Variants in PRRC2C observed in about 807,000 individuals in gnomAD.
PRRC2C encodes the protein protein PRRC2C.
Under a neutral mutation model 317.2 loss-of-function variants are expected in PRRC2C, and 72 were observed. The ratio of observed to expected loss-of-function variants is 0.23; its 90% CI spans 0.19 to 0.28. PRRC2C has a LOEUF of 0.28. PRRC2C is among the 10% of genes least tolerant of loss of function. PRRC2C has a pLI of 1.00. For synonymous variants in PRRC2C, 1,296 were observed against 1,205.9 expected (o/e 1.07, Z -1.55); for missense variants, 3,074 against 3,459.7 (o/e 0.89, Z 2.80).
At chr1:171,572,159 A>T (rs1057318596) in intron 24 of PRRC2C, among the ~76,000 whole-genome samples, 3 of 152,050 alleles carry the variant, frequency 2.0e-5, no homozygotes, top group Non-Finnish European at 4.4e-5. Flanking sequence ...TTTAAAAAAA[A>T]ATTTTTTTTA....
intron 1 of PRRC2C, 168 bp from the exon 2 acceptor site, chr1:171,511,864 A>G (rs1002018150): frequency 7.9e-6 from 3 of 379,096 alleles, no homozygotes; most frequent in Non-Finnish European, 1.5e-5. Context: ...TCACAAGTGC[A>G]TGATAGCTTA....
chr1:171,501,306 T>C (rs1401597940), intron 1 of PRRC2C, among the ~76,000 whole-genome samples: 1 of 152,192 alleles, frequency 6.6e-6, no homozygotes, highest in Admixed American at 6.5e-5. Context: ...AATTTTTGTA[T>C]TTTTTGTAGA....
chr1:171,494,261 C>T (rs1403366596), intron 1 of PRRC2C, among the ~76,000 whole-genome samples: 2 of 152,284 alleles, frequency 1.3e-5, no homozygotes, highest in East Asian at 1.9e-4. Context: ...TATCCTACTC[C>T]GGAAACTTAA....
chr1:171,571,490 C>A, intron 24 of PRRC2C, 69 bp downstream of exon 24: 1 of 1,172,676 alleles, frequency 8.5e-7, no homozygotes, highest in Non-Finnish European at 1.3e-6. Context: ...TAACAATATT[C>A]GTGGGGTATT....
rs1340804442 is a variant in PRRC2C at position 171,512,190 on chromosome 1, G to A, written c.102G>A (p.Gln34=). 1 of 1,556,884 alleles carries A rather than the reference G, an allele frequency of 6.4e-7. No homozygotes were observed. Among genetic ancestry groups the A allele is most frequent in the South Asian group, 1.2e-5 (1 of 84,992 alleles). Residue 34 remains glutamine (Q), a synonymous_variant, in exon 2 of 35, where the codon CAG becomes CAA. Transcript: ENST00000647382. The stretch of plus-strand genomic sequence containing the variant: ...ACAAGGGGAAATCATTAGAAACACA[G>A]AAAACCACAGGTGAGTAAAATCAAG... The part of the protein sequence containing the change: ...NTYKGKSLET[Q]KTTVAARHGL...
intron 22 of PRRC2C, among the ~76,000 whole-genome samples, chr1:171,568,020 C>CTTT (rs1331454182): frequency 2.0e-5 from 3 of 152,120 alleles, no homozygotes; most frequent in Admixed American, 6.5e-5. Flanking sequence ...AACCCCATCT[C>CTTT]TACTAAAAAT....
At chr1:171,568,366 A>G (rs1409772554) in intron 23 of PRRC2C, 27 bp downstream of exon 23, 1 of 1,574,392 alleles carries the variant, frequency 6.4e-7, no homozygotes, top group African/African-American at 1.3e-5. Flanking sequence ...AGATGTGGCA[A>G]GTTTGGATTG....
At chr1:171,573,064 G>A (rs927048247) in intron 24 of PRRC2C, among the ~76,000 whole-genome samples, 19 of 152,128 alleles carry the variant, frequency 1.2e-4, no homozygotes, top group African/African-American at 4.3e-4. Context: ...CCATAGAATA[G>A]CATCATTTGG....
chr1:171,498,711 C>T (rs1271314522), intron 1 of PRRC2C, among the ~76,000 whole-genome samples: 1 of 152,192 alleles, frequency 6.6e-6, no homozygotes, highest in African/African-American at 2.4e-5. Flanking sequence ...TCCTACCACT[C>T]CCAACTCCCT....
chr1:171,550,136 C>A lies in PRRC2C; in HGVS notation c.5023C>A (p.Gln1675Lys). ...HPEVTVIEDP[Q>K]SNLNDDGFTE... is the part of the protein sequence containing the mutation. ...TGAAGTAACAGTAATTGAAGATCCC[C>A]AGTCAAATTTGAATGATGATGGTTT... Residue 1675 changes from glutamine (Q) to lysine (K), a missense_variant, in exon 18 of 35, where the codon CAG becomes AAG. By Grantham distance (53) the Gln-to-Lys change is moderately conservative. Transcript: ENST00000647382. 6.2e-7 allele frequency: 1 copy of A among 1,608,120 alleles called. No individual in the cohort carries two copies. The highest frequency in any genetic ancestry group is 8.5e-7 in the Non-Finnish European group (1 of 1,176,916).
At chr1:171,551,625 A>G (rs1384003833) in intron 18 of PRRC2C, among the ~76,000 whole-genome samples, 1 of 151,972 alleles carries the variant, frequency 6.6e-6, no homozygotes, top group African/African-American at 2.4e-5. Flanking sequence ...ATCCATCTTG[A>G]ATTAGTTTTT....
At chr1:171,536,601 T>C (rs1233789682) in intron 14 of PRRC2C, among the ~76,000 whole-genome samples, 1 of 151,910 alleles carries the variant, frequency 6.6e-6, no homozygotes, top group Admixed American at 6.5e-5. Context: ...ATTTTGTCCA[T>C]ATGTTATATA....
At chr1:171,536,628 C>T (rs984222327) in intron 14 of PRRC2C, among the ~76,000 whole-genome samples, 2 of 152,042 alleles carry the variant, frequency 1.3e-5, no homozygotes, top group Non-Finnish European at 2.9e-5. Flanking sequence ...TTTTCAAGTT[C>T]TTCTTCCATC....
chr1:171,536,415 C>T (rs1676839148), intron 14 of PRRC2C, 137 bp downstream of exon 14: 2 of 998,496 alleles, frequency 2.0e-6, no homozygotes, highest in South Asian at 1.7e-5. Flanking sequence ...TAACTTTCAG[C>T]ATCGAGTAAT....
Position 171,579,890 on chromosome 1 carries a change from C to T in PRRC2C, c.7335C>T (p.Ala2445=), listed in dbSNP as rs751254629. 90 of 1,597,704 alleles carry T rather than the reference C, an allele frequency of 5.6e-5. No individual in the cohort carries two copies. Among genetic ancestry groups the T allele is most frequent in the Non-Finnish European group, 7.2e-5 (85 of 1,173,776 alleles). ...IYAPLQGQHQ[A]QLSLGAGPAV... ...CACCACTGCAAGGGCAGCATCAAGC[C>T]CAACTGAGTTTGGGGGCTGGCCCTG... The change falls in exon 28 of 35, where the codon GCC becomes GCT. Residue 2445 remains alanine, a synonymous_variant. Transcript: ENST00000647382.
At chr1:171,530,010 A>G (rs993861634) in intron 11 of PRRC2C, among the ~76,000 whole-genome samples, 1 of 152,078 alleles carries the variant, frequency 6.6e-6, no homozygotes, top group Non-Finnish European at 1.5e-5. Context: ...TCTTTATAAC[A>G]TTTCTGCGTA....
Position 171,549,815 on chromosome 1 carries a change from G to A in PRRC2C, c.4973-271G>A, listed in dbSNP as rs1246071096. 2.0e-5 allele frequency among the ~76,000 whole-genome samples: 3 copies of A among 152,082 alleles called. No homozygotes were observed. The East Asian group carries it at 5.8e-4, about 29-fold the overall frequency. ...GGCCTCAAGCAGTATGCCCATCTCG[G>A]CCTCCAAAAGTGCTGGGATTACAGA... On this transcript the variant is annotated intron_variant, in intron 17 of 34. Transcript: ENST00000647382.
chr1:171,513,452 G>A, intron 3 of PRRC2C: 1 of 524,524 alleles, frequency 1.9e-6, no homozygotes, highest in Non-Finnish European at 3.7e-6. Flanking sequence ...ACCAACTCAG[G>A]TATTCCCTTT....
At position 171,557,378 on chromosome 1, in the gene PRRC2C, C is replaced by T; in HGVS notation, c.5266C>T (p.Leu1756Phe). 1 of 1,551,822 alleles carries T rather than the reference C, an allele frequency of 6.4e-7. No individual in the cohort carries two copies. The highest frequency in any genetic ancestry group is 8.7e-7 in the Non-Finnish European group (1 of 1,147,016). Residue 1756 changes from leucine to phenylalanine, a missense_variant, in exon 19 of 35, where the codon CTT becomes TTT. Physicochemically the swap from Leu to Phe is conservative, Grantham distance 22. Around this residue, in one of 11 missense-constraint regions of PRRC2C, gnomAD observed 640 missense variants for 676.1 expected, o/e 0.95. Transcript: ENST00000647382. The part of the protein sequence containing the change: ...ASVPPLASAP[L>F]PPSTSASVPA... ...AGTTCCACCTCTAGCTTCGGCTCCA[C>T]TTCCACCTTCAACCTCAGCTTCAGT...
Sources: gnomAD v4.1 joint callset for allele counts (sites outside exome capture counted in the v4.1 genomes callset) on GRCh38, gnomAD v4.1.1 for gene constraint, gnomAD v4.1.1 regional missense constraint, MANE v1.5 for transcripts, NCBI Gene and HGNC (gene_info 2026-07-23, HGNC 2026-07-21) for gene names.